LHFPL6: variants seen among roughly 807,000 people sequenced by gnomAD.
LHFPL6 encodes LHFPL tetraspan subfamily member 6.
In LHFPL6, 9 loss-of-function variants were observed where a neutral mutation model predicts 20.6. The ratio of observed to expected loss-of-function variants is 0.44; its 90% CI spans 0.26 to 0.76. The LOEUF is 0.76. Ranked by LOEUF, LHFPL6 falls within the 30% of genes least tolerant of loss-of-function variation. The probability of loss-of-function intolerance (pLI) is 0.20; values close to 1 mark genes in which losing one functional copy is unlikely to be tolerated. For synonymous variants in LHFPL6, 105 were observed against 98.7 expected, an observed-to-expected ratio of 1.06 and a Z score of -0.38; for missense variants, 218 against 253.5, an observed-to-expected ratio of 0.86 and a Z score of 0.95.
At chr13:39,362,831 G>A (rs922223028) in intron 3 of LHFPL6, among the ~76,000 whole-genome samples, 31 of 152,262 alleles carry the variant, frequency 2.0e-4, no homozygotes, top group Admixed American at 1.4e-3. Context: ...ACACCAGCAC[G>A]AATCATACAA....
chr13:39,448,316 C>T (rs940313112), intron 2 of LHFPL6, among the ~76,000 whole-genome samples: 11 of 152,178 alleles, frequency 7.2e-5, no homozygotes, highest in Admixed American at 3.3e-4. Flanking sequence ...CAAACAAATA[C>T]ATTATGGAAC....
intron 2 of LHFPL6, among the ~76,000 whole-genome samples, chr13:39,451,217 T>C (rs1872437564): frequency 6.6e-6 from 1 of 152,162 alleles, no homozygotes; most frequent in African/African-American, 2.4e-5. Flanking sequence ...TAAAAATAGT[T>C]TACAGAGTCA....
chr13:39,378,861 A>G (rs1385958594), intron 2 of LHFPL6, among the ~76,000 whole-genome samples: 8 of 152,220 alleles, frequency 5.3e-5, no homozygotes, highest in Non-Finnish European at 1.2e-4. Context: ...ATCCATGCAA[A>G]CAAGTATTTC....
intron 2 of LHFPL6, among the ~76,000 whole-genome samples, chr13:39,504,560 T>C (rs752568378): frequency 2.8e-4 from 42 of 152,294 alleles, no homozygotes; most frequent in Non-Finnish European, 5.4e-4. Flanking sequence ...TTGGCTGGCA[T>C]TGCAGGTGGT....
chr13:39,550,297 G>A (rs978347094), intron 2 of LHFPL6, among the ~76,000 whole-genome samples: 2 of 152,076 alleles, frequency 1.3e-5, no homozygotes, highest in African/African-American at 4.8e-5. Context: ...GAACTGTCTG[G>A]GAGTGATGGA....
intron 2 of LHFPL6, among the ~76,000 whole-genome samples, chr13:39,407,685 AT>A (rs1358143481): frequency 5.9e-5 from 9 of 152,312 alleles, no homozygotes; most frequent in South Asian, 2.1e-4. Context: ...CCTAATAAAT[AT>A]TTTTTAAAAG....
At chr13:39,397,004 A>G (rs1870859419) in intron 2 of LHFPL6, among the ~76,000 whole-genome samples, 3 of 152,184 alleles carry the variant, frequency 2.0e-5, no homozygotes, top group Admixed American at 1.3e-4. Context: ...TTGTAGCCTC[A>G]GAACTGAGAG....
At chr13:39,437,189 A>G (rs1871980746) in intron 2 of LHFPL6, among the ~76,000 whole-genome samples, 1 of 152,204 alleles carries the variant, frequency 6.6e-6, no homozygotes, top group Non-Finnish European at 1.5e-5. Context: ...CTTTCCTTAT[A>G]CATCATTATA....
intron 3 of LHFPL6, among the ~76,000 whole-genome samples, chr13:39,364,103 G>A (rs114283414): frequency 2.1e-3 from 324 of 152,280 alleles, no homozygotes; most frequent in African/African-American, 7.4e-3. Flanking sequence ...GTGCGTGACT[G>A]TACTTCATGT....
chr13:39,479,753 G>C (rs1308314333), intron 2 of LHFPL6, among the ~76,000 whole-genome samples: 1 of 152,138 alleles, frequency 6.6e-6, no homozygotes, highest in Non-Finnish European at 1.5e-5. Context: ...AAACACACAA[G>C]CATTTTTATA....
chr13:39,365,310 C>T lies in LHFPL6; in HGVS notation c.484+13118G>A, dbSNP rs148750162. On this transcript the variant is annotated intron_variant, in intron 3 of 3. Transcript: ENST00000379589. Reference sequence around the variant, plus strand: ...CTCCCTGTCTGTACCGGTCATACTACCACTGGCCACCAAGCAGTCTCTGAA... The same window carrying T: ...CTCCCTGTCTGTACCGGTCATACTATCACTGGCCACCAAGCAGTCTCTGAA... 2.0e-5 allele frequency among the ~76,000 whole-genome samples: 3 copies of T among 152,280 alleles called. No individual in the cohort carries two copies. The East Asian group carries it at 5.8e-4, about 29-fold the overall frequency.
Position 39,540,458 on chromosome 13 carries a change from G to A in LHFPL6, c.385+60374C>T, listed in dbSNP as rs1029515342. ...TCGGGACACAATATGTATATTACTA[G>A]ATATACTACTGTATTTCTACAGTAA... On this transcript the variant is annotated intron_variant, in intron 2 of 3. Coordinates refer to ENST00000379589, the MANE Select transcript of LHFPL6 (RefSeq NM_005780.3). Among the ~76,000 whole-genome samples, 58 of 151,924 alleles carry A rather than the reference G, an allele frequency of 3.8e-4. 1 individual carries two copies. The highest frequency in any genetic ancestry group is 3.3e-3 in the Admixed American group (50 of 15,258).
chr13:39,359,285 A>T (rs1472727794), intron 3 of LHFPL6, among the ~76,000 whole-genome samples: 1 of 152,192 alleles, frequency 6.6e-6, no homozygotes, highest in African/African-American at 2.4e-5. Context: ...TTTCTCAAAG[A>T]ACTAAGAGTT....
intron 2 of LHFPL6, among the ~76,000 whole-genome samples, chr13:39,456,182 C>T (rs988057411): frequency 6.6e-6 from 1 of 152,242 alleles, no homozygotes; most frequent in Admixed American, 6.5e-5. Context: ...TGGGCCACAT[C>T]TTCCTGGGGA....
chr13:39,475,690 A>G (rs1873068986), intron 2 of LHFPL6, among the ~76,000 whole-genome samples: 1 of 152,154 alleles, frequency 6.6e-6, no homozygotes, highest in South Asian at 2.1e-4. Flanking sequence ...TTGTCATCAC[A>G]GCTCTGCGGC....
chr13:39,560,397 C>G (rs1460237002), intron 2 of LHFPL6, among the ~76,000 whole-genome samples: 1 of 151,854 alleles, frequency 6.6e-6, no homozygotes, highest in Admixed American at 6.6e-5. Flanking sequence ...TCTCCCAAGC[C>G]TGTGGAAGTC....
intron 3 of LHFPL6, among the ~76,000 whole-genome samples, chr13:39,345,526 A>AAAAAAAAAAAAAAAAAAAC (rs1869375138): frequency 7.9e-6 from 1 of 127,228 alleles, no homozygotes; most frequent in Non-Finnish European, 1.6e-5. Flanking sequence ...AAAAAAAAAA[A>AAAAAAAAAAAAAAAAAAAC]AAAAAAAAAA....
chr13:39,578,701 G>A (rs1872190898), intron 2 of LHFPL6, among the ~76,000 whole-genome samples: 1 of 152,190 alleles, frequency 6.6e-6, no homozygotes, highest in Non-Finnish European at 1.5e-5. Flanking sequence ...AATTGTGACA[G>A]GTACAGGTTA....
Position 39,431,724 on chromosome 13 carries a change from G to GA in LHFPL6, c.386-53199_386-53198insT, listed in dbSNP as rs544633672. Among the ~76,000 whole-genome samples the GA allele has an allele frequency of 5.5e-5, 8 of 146,328 alleles. No individual in the cohort carries two copies. The East Asian group carries it at 1.7e-3, about 31-fold the overall frequency. On this transcript the variant is annotated intron_variant, in intron 2 of 3. Transcript: ENST00000379589. The stretch of plus-strand genomic sequence containing the variant: ...AAAGCCCTGTAGAATTTGTGGGGGG[G>GA]GGGGGCTTCCTCTCATATTCCACAT...
Sources: gnomAD v4.1 joint callset for allele counts (sites outside exome capture counted in the v4.1 genomes callset) on GRCh38, gnomAD v4.1.1 for gene constraint, MANE v1.5 for transcripts, NCBI Gene and HGNC (gene_info 2026-07-23, HGNC 2026-07-21) for gene names.